The following THEMIS2 variants were observed in gnomAD, a reference collection of about 807,000 sequenced individuals.
THEMIS2 encodes the protein protein THEMIS2.
THEMIS2 carries 29 observed loss-of-function variants against 46.8 expected under a neutral mutation model. That is an observed-to-expected ratio of 0.62 (90% CI 0.46 to 0.84). The LOEUF (loss-of-function observed/expected upper bound fraction) is 0.84. Ranked by LOEUF, THEMIS2 falls within the 40% of genes least tolerant of loss-of-function variation. The pLI is 0.00. For synonymous variants in THEMIS2, 335 were observed against 349.1 expected (o/e 0.96, Z 0.45); for missense variants, 698 against 834.7 (o/e 0.84, Z 2.02).
rs1291835194 is a variant in THEMIS2, at chr1:27,882,788, G to A, written c.1464G>A (p.Val488=). The stretch of plus-strand genomic sequence containing the variant: ...AGATCACAGAGCCATTCTTGGTGGT[G>A]AGCCTAGACTCTGAGCCTGGGATGT... ...EEKITEPFLV[V]SLDSEPGMCF... is the part of the protein sequence containing the mutation. Residue 488 remains valine (V), a synonymous_variant, in exon 4 of 6, where the codon GTG becomes GTA. Transcript: ENST00000373921. This position sits in a 1 kb window ranked among gnomAD's most constrained non-coding sequence, Gnocchi z 7.6. The A allele has an allele frequency of 1.9e-6, 3 of 1,613,716 alleles. No individual in the cohort carries two copies. Among genetic ancestry groups the A allele is most frequent in the Non-Finnish European group, 1.7e-6 (2 of 1,179,896 alleles).
chr1:27,880,984 C>T (rs1320675248), intron 3 of THEMIS2, among the ~76,000 whole-genome samples: 1 of 151,128 alleles, frequency 6.6e-6, no homozygotes, highest in Non-Finnish European at 1.5e-5. Flanking sequence ...TTCGCCATAT[C>T]GGCCAGGCTG....
rs770915722 is a variant in THEMIS2 at position 27,882,976 on chromosome 1, C to G, written c.1652C>G (p.Pro551Arg). The G allele has an allele frequency of 2.0e-5, 32 of 1,613,828 alleles. No individual in the cohort carries two copies. The highest frequency in any genetic ancestry group is 1.5e-4 in the Admixed American group (9 of 59,986). ...CCAGCCTGTGAGATCCAAGCCCCCCCACCCAGGCCCCCTAAAAATCAGGGC... is the reference window on the plus strand; with the variant it reads ...CCAGCCTGTGAGATCCAAGCCCCCCGACCCAGGCCCCCTAAAAATCAGGGC... ...KLPACEIQAPPPRPPKNQGLS... is the reference protein window; with the variant it reads ...KLPACEIQAPRPRPPKNQGLS... The change falls in exon 4 of 6, where the codon CCA (proline) becomes CGA (arginine). Residue 551 changes from proline to arginine, a missense_variant. Coordinates refer to ENST00000373921, the MANE Select transcript of THEMIS2 (RefSeq NM_001105556.3). This position sits in a 1 kb window ranked among gnomAD's most constrained non-coding sequence, Gnocchi z 7.6.
Position 27,872,885 on chromosome 1 carries a change from GA to G in THEMIS2, c.94+224del, listed in dbSNP as rs2089512536. 6.6e-6 allele frequency among the ~76,000 whole-genome samples: 1 copy of G among 152,226 alleles called. No individual in the cohort carries two copies. Among genetic ancestry groups the G allele is most frequent in the Non-Finnish European group, 1.5e-5 (1 of 68,036 alleles). On this transcript the variant is annotated intron_variant, in intron 1 of 5. Transcript: ENST00000373921. The surrounding 1 kb of genome is among the most constrained non-coding windows in gnomAD (Gnocchi z 4.9). ...CTGACCTGCCCCGCAGGGTAGTGAT[GA>G]AAAGTCAGTGGGTTGAGGCGCGGGA...
chr1:27,885,982 C>A lies in THEMIS2; in HGVS notation c.*60C>A, dbSNP rs1557456712. ...CTCAGGGAATCCGACACCAGCCAAC[C>A]ATTTTAAGCCTCTAAAAGACCTCGG... On this transcript the variant is annotated 3_prime_UTR_variant, in exon 6 of 6. Transcript: ENST00000373921. The A allele has an allele frequency of 3.2e-6, 5 of 1,548,644 alleles. No individual in the cohort carries two copies. In the South Asian group the frequency reaches 3.4e-5, roughly 10 times the overall value.
At position 27,882,001 on chromosome 1, in the gene THEMIS2, C is replaced by T; in HGVS notation, c.677C>T (p.Thr226Ile). Residue 226 changes from threonine to isoleucine, a missense_variant, in exon 4 of 6, where the codon ACC (threonine) becomes ATC (isoleucine). Thr to Ile is a moderately conservative substitution (Grantham distance 89). Coordinates refer to ENST00000373921, the MANE Select transcript of THEMIS2 (RefSeq NM_001105556.3). This position sits in a 1 kb window ranked among gnomAD's most constrained non-coding sequence, Gnocchi z 7.6. ...MRRTIVKIPS[T>I]LEVDVEDVTA... is the part of the protein sequence containing the mutation. ...AGGACCATTGTCAAGATCCCTTCTA[C>T]CCTGGAGGTCGACGTGGAGGACGTC... 1 of 1,613,956 alleles carries T rather than the reference C, an allele frequency of 6.2e-7. No homozygotes were observed. The highest frequency in any genetic ancestry group is 1.1e-5 in the South Asian group (1 of 91,052).
intron 2 of THEMIS2, among the ~76,000 whole-genome samples, chr1:27,877,968 G>A (rs1046865716): frequency 6.6e-6 from 1 of 151,816 alleles, no homozygotes; most frequent in African/African-American, 2.4e-5. Flanking sequence ...CGGCCAACAT[G>A]GTGAAACCCC....
intron 2 of THEMIS2, 150 bp downstream of exon 2, chr1:27,876,878 G>A: frequency 1.0e-6 from 1 of 996,624 alleles, no homozygotes; most frequent in Non-Finnish European, 1.4e-6. Flanking sequence ...CAGCCTCAAG[G>A]GTGGGGATGT....
chr1:27,880,015 A>G lies in THEMIS2; in HGVS notation c.607A>G (p.Ile203Val). 1 of 1,609,332 alleles carries G rather than the reference A, an allele frequency of 6.2e-7. No individual in the cohort carries two copies. ...CCCCACCCTGCCCTGGCATTCCCTGATCCTGCGGCCCCAGTATGAGATCCA... is the reference window on the plus strand; with the variant it reads ...CCCCACCCTGCCCTGGCATTCCCTGGTCCTGCGGCCCCAGTATGAGATCCA... ...TCPTLPWHSL[I>V]LRPQYEIQAI... is the part of the protein sequence containing the mutation. Residue 203 changes from isoleucine (I) to valine (V), a missense_variant, in exon 3 of 6, where the codon ATC becomes GTC. By Grantham distance (29) the Ile-to-Val change is conservative (BLOSUM62 3). Transcript: ENST00000373921.
chr1:27,874,033 G>GTTTTTTTTGTT (rs2089534570), intron 1 of THEMIS2, among the ~76,000 whole-genome samples: 3 of 97,164 alleles, frequency 3.1e-5, no homozygotes, highest in African/African-American at 1.0e-4. Context: ...TTCAACCTAG[G>GTTTTTTTTGTT]TTTTTTTTTT....
chr1:27,879,927 T>A lies in THEMIS2; in HGVS notation c.519T>A (p.Ser173Arg), dbSNP rs983978064. 72 of 1,611,026 alleles carry A rather than the reference T, an allele frequency of 4.5e-5. No homozygotes were observed. Among genetic ancestry groups the A allele is most frequent in the Non-Finnish European group, 5.8e-5 (68 of 1,178,718 alleles). ...QKGPFWTWEP[S>R]APRTLLQVLQ... ...GGCCCTTCTGGACATGGGAGCCTAG[T>A]GCCCCTCGAACTCTGCTCCAGGTCC... is the stretch of plus-strand genomic sequence containing the variant. Residue 173 changes from serine to arginine, a missense_variant, in exon 3 of 6, where the codon AGT becomes AGA. Ser to Arg is a moderately radical substitution (Grantham distance 110, BLOSUM62 -1). Coordinates refer to ENST00000373921, the MANE Select transcript of THEMIS2 (RefSeq NM_001105556.3).
Position 27,886,066 on chromosome 1 carries a change from T to A in THEMIS2, c.*144T>A. 1 of 727,166 alleles carries A rather than the reference T, an allele frequency of 1.4e-6. No homozygotes were observed. The highest frequency in any genetic ancestry group is 2.4e-6 in the Non-Finnish European group (1 of 424,932). The allele number at this position is 727,166 out of a possible 1,614,324, so 45.0% of individuals were successfully genotyped here. ...AGTAGCTTTGTGGAAACTGATTTGA[T>A]GGACACTGCACCAGCTTCCTTCAGG... is the stretch of plus-strand genomic sequence containing the variant. On this transcript the variant is annotated 3_prime_UTR_variant, in exon 6 of 6. Transcript: ENST00000373921.
intron 2 of THEMIS2, among the ~76,000 whole-genome samples, chr1:27,877,064 G>A (rs1180693911): frequency 6.6e-6 from 1 of 152,214 alleles, no homozygotes; most frequent in Non-Finnish European, 1.5e-5. Flanking sequence ...CGTGTGGCGG[G>A]CTGTGGGTAT....
At chr1:27,879,534 G>T (rs1166358872) in intron 2 of THEMIS2, 110 bp from the exon 3 acceptor site, 3 of 959,884 alleles carry the variant, frequency 3.1e-6, no homozygotes, top group Non-Finnish European at 4.7e-6. Context: ...TGTCCCTGGG[G>T]GATTCTGGCT....
chr1:27,884,841 T>C (rs1192702295), intron 4 of THEMIS2: 1 of 159,084 alleles, frequency 6.3e-6, no homozygotes, highest in South Asian at 1.5e-4. Context: ...TTGAAACCAC[T>C]CAGAGGGTAA....
chr1:27,885,992 C>G lies in THEMIS2; in HGVS notation c.*70C>G. 1.3e-6 allele frequency: 2 copies of G among 1,485,672 alleles called. No homozygotes were observed. Among genetic ancestry groups the G allele is most frequent in the Non-Finnish European group, 1.9e-6 (2 of 1,066,320 alleles). 92.0% of individuals were successfully genotyped at this position (1,485,672 alleles called of 1,614,324 possible). ...CCGACACCAGCCAACCATTTTAAGC[C>G]TCTAAAAGACCTCGGGCAAGTCTCA... On this transcript the variant is annotated 3_prime_UTR_variant, in exon 6 of 6. Coordinates refer to ENST00000373921, the MANE Select transcript of THEMIS2 (RefSeq NM_001105556.3).
chr1:27,877,897 C>G (rs1004594811), intron 2 of THEMIS2, among the ~76,000 whole-genome samples: 3 of 152,024 alleles, frequency 2.0e-5, no homozygotes, highest in Non-Finnish European at 4.4e-5. Context: ...TGCCTGTGAT[C>G]CCAGCTCTTT....
chr1:27,874,286 C>T (rs904074683), intron 1 of THEMIS2, among the ~76,000 whole-genome samples: 1 of 151,872 alleles, frequency 6.6e-6, no homozygotes, highest in Admixed American at 6.6e-5. Context: ...CTGCCTGCCT[C>T]GGCCTCCCAA....
At position 27,879,926 on chromosome 1, in the gene THEMIS2, G is replaced by C. The variant is rs749737835; in HGVS notation, c.518G>C (p.Ser173Thr). 1.9e-6 allele frequency: 3 copies of C among 1,611,130 alleles called. No homozygotes were observed. Among genetic ancestry groups the C allele is most frequent in the South Asian group, 2.2e-5 (2 of 90,622 alleles). Residue 173 changes from serine to threonine, a missense_variant, in exon 3 of 6, where the codon AGT becomes ACT. Coordinates refer to ENST00000373921, the MANE Select transcript of THEMIS2 (RefSeq NM_001105556.3). ...GGGCCCTTCTGGACATGGGAGCCTA[G>C]TGCCCCTCGAACTCTGCTCCAGGTC... ...QKGPFWTWEP[S>T]APRTLLQVLQ...
rs756315466 is a variant in THEMIS2, at chr1:27,882,123, G to T, written c.799G>T (p.Glu267Ter). Reference sequence around the variant, plus strand: ...TTTCCCCCTGTCCATGGAGATCCTGGAGGTTCCTGAGGGCCGCCCCATCTT... The same window carrying T: ...TTTCCCCCTGTCCATGGAGATCCTGTAGGTTCCTGAGGGCCGCCCCATCTT... Reference protein sequence around the residue: ...GPFPLSMEILEVPEGRPIFLS... With the variant: ...GPFPLSMEIL The change falls in exon 4 of 6, where the codon GAG (glutamate) becomes TAG (stop). Residue 267 changes from glutamate (E) to a stop codon, truncating the protein, a stop_gained. Coordinates refer to ENST00000373921, the MANE Select transcript of THEMIS2 (RefSeq NM_001105556.3). LOFTEE classifies it high-confidence loss of function. This position sits in a 1 kb window ranked among gnomAD's most constrained non-coding sequence, Gnocchi z 7.6. 3 of 1,614,206 alleles carry T rather than the reference G, an allele frequency of 1.9e-6. No homozygotes were observed. The Admixed American group carries it at 5.0e-5, about 27-fold the overall frequency.
Sources: gnomAD v4.1 joint callset for allele counts (sites outside exome capture counted in the v4.1 genomes callset) on GRCh38, gnomAD v4.1.1 for gene constraint, Gnocchi (gnomAD v3.1) non-coding constraint, MANE v1.5 for transcripts, NCBI Gene and HGNC (gene_info 2026-07-23, HGNC 2026-07-21) for gene names.